Variants in VTI1A observed in about 807,000 individuals in gnomAD.
VTI1A encodes the protein vesicle transport through interaction with t-SNAREs homolog 1A.
Under a neutral mutation model 34.9 loss-of-function variants are expected in VTI1A, and 22 were observed. The ratio of observed to expected loss-of-function variants is 0.63; its 90% CI spans 0.45 to 0.90. The LOEUF is 0.90. Ranked by LOEUF, VTI1A falls within the 40% of genes least tolerant of loss-of-function variation. VTI1A has a pLI of 0.00. For missense variants in VTI1A, 268 were observed against 275.6 expected (o/e 0.97, Z 0.20); for synonymous variants, 87 against 97.3 (o/e 0.89, Z 0.62).
chr10:112,647,659 T>C (rs1005934026), intron 5 of VTI1A, among the ~76,000 whole-genome samples: 3 of 152,378 alleles, frequency 2.0e-5, no homozygotes. Flanking sequence ...AGTATGTTTT[T>C]CCGTAGTTTA....
At chr10:112,614,572 G>T (rs994309804) in intron 5 of VTI1A, among the ~76,000 whole-genome samples, 2 of 152,140 alleles carry the variant, frequency 1.3e-5, no homozygotes, top group Non-Finnish European at 2.9e-5. Flanking sequence ...TTTGAAGGGG[G>T]TTTGTTTTCT....
At chr10:112,535,210 A>T (rs1194682345) in intron 4 of VTI1A, among the ~76,000 whole-genome samples, 36 of 152,228 alleles carry the variant, frequency 2.4e-4, no homozygotes, top group Admixed American at 2.2e-3. Flanking sequence ...TTGAATTATA[A>T]TTGGAAAAAT....
At chr10:112,736,956 A>G (rs1340509687) in intron 7 of VTI1A, 2 of 616,460 alleles carry the variant, frequency 3.2e-6, no homozygotes, top group East Asian at 5.5e-5. Flanking sequence ...CTGACATCAA[A>G]TGTGCTGTGG....
At chr10:112,731,311 C>T (rs547193165) in intron 7 of VTI1A, among the ~76,000 whole-genome samples, 2 of 152,278 alleles carry the variant, frequency 1.3e-5, no homozygotes, top group Non-Finnish European at 2.9e-5. Context: ...CGGTGGCTCA[C>T]GTCTGTAATC....
intron 7 of VTI1A, among the ~76,000 whole-genome samples, chr10:112,677,118 C>T (rs1160016579): frequency 1.3e-5 from 2 of 152,168 alleles, no homozygotes; most frequent in Non-Finnish European, 2.9e-5. Flanking sequence ...ACATGAGAAC[C>T]TGTGCAGGGG....
At chr10:112,504,321 T>G (rs1280261968) in intron 3 of VTI1A, among the ~76,000 whole-genome samples, 1 of 152,168 alleles carries the variant, frequency 6.6e-6, no homozygotes, top group East Asian at 1.9e-4. Context: ...TCTTTACAGA[T>G]TCTCTTTAAA....
intron 3 of VTI1A, among the ~76,000 whole-genome samples, chr10:112,509,354 C>G (rs919578044): frequency 6.6e-6 from 1 of 151,766 alleles, no homozygotes; most frequent in Non-Finnish European, 1.5e-5. Context: ...CTTCTAAAGG[C>G]AAGAAAATAC....
intron 7 of VTI1A, among the ~76,000 whole-genome samples, chr10:112,805,233 C>T (rs1853031829): frequency 6.6e-6 from 1 of 152,124 alleles, no homozygotes; most frequent in African/African-American, 2.4e-5. Flanking sequence ...CAGCCTTCCT[C>T]CTGTTTTAGC....
In VTI1A at chr10:112,816,222, CT is replaced by C; in HGVS notation, c.*840del. 1 of 216,118 alleles carries C rather than the reference CT, an allele frequency of 4.6e-6. No homozygotes were observed. The highest frequency in any genetic ancestry group is 9.3e-6 in the Non-Finnish European group (1 of 107,310). 13.4% of individuals were successfully genotyped at this position (216,118 alleles called of 1,614,324 possible). A position where few individuals can be genotyped will look rare whatever the true frequency, so the allele number is the denominator to read the frequency against. ...AATATCTGCACTGCCAAAAGCAGTC[CT>C]CATACTTGCAAAAGGTCTGACAAGG... is the stretch of plus-strand genomic sequence containing the variant. On this transcript the variant is annotated 3_prime_UTR_variant, in exon 8 of 8. Coordinates refer to ENST00000393077, the MANE Select transcript of VTI1A (RefSeq NM_145206.4).
At chr10:112,739,580 T>C (rs1850620019) in intron 7 of VTI1A, among the ~76,000 whole-genome samples, 1 of 152,350 alleles carries the variant, frequency 6.6e-6, no homozygotes, top group Non-Finnish European at 1.5e-5. Context: ...AGCGATGTCT[T>C]GTATTTCAAC....
chr10:112,705,500 T>C (rs568113431), intron 7 of VTI1A, among the ~76,000 whole-genome samples: 2 of 152,186 alleles, frequency 1.3e-5, no homozygotes, highest in East Asian at 3.9e-4. Context: ...CACGCCCCTC[T>C]TCTCCCTCTA....
At chr10:112,772,932 A>G (rs1851855941) in intron 7 of VTI1A, among the ~76,000 whole-genome samples, 3 of 152,240 alleles carry the variant, frequency 2.0e-5, no homozygotes, top group Non-Finnish European at 4.4e-5. Flanking sequence ...GTTTAGCAAT[A>G]GAATGCCACT....
At chr10:112,531,123 G>A (rs1246487221) in intron 4 of VTI1A, among the ~76,000 whole-genome samples, 4 of 150,398 alleles carry the variant, frequency 2.7e-5, no homozygotes, top group Non-Finnish European at 4.4e-5. Flanking sequence ...GTGCGCGCGC[G>A]CGCATGAACC....
intron 7 of VTI1A, among the ~76,000 whole-genome samples, chr10:112,790,764 G>GT (rs56892510): frequency 0.39 from 55,952 of 142,212 alleles, 10,567 homozygotes; most frequent in East Asian, 0.51. Flanking sequence ...ACTAAAAGAC[G>GT]TTTTTTTTTT....
At chr10:112,839,560 G>A in the VTI1A span, among the ~76,000 whole-genome samples, 76 of 146,292 alleles carry the variant, frequency 5.2e-4, no homozygotes, top group African/African-American at 1.8e-3. Flanking sequence ...ATAGATGAAA[G>A]GGGGGACAAA....
intron 5 of VTI1A, among the ~76,000 whole-genome samples, chr10:112,548,190 T>G (rs1160568034): frequency 6.6e-6 from 1 of 152,240 alleles, no homozygotes; most frequent in Non-Finnish European, 1.5e-5. Flanking sequence ...CTTTTGGTTC[T>G]TGACACTGTC....
rs1847556280 is a variant in VTI1A at position 112,664,013 on chromosome 10, C to G, written c.428-4205C>G. Among the ~76,000 whole-genome samples the G allele has an allele frequency of 4.6e-5, 7 of 152,310 alleles. No individual in the cohort carries two copies. In the South Asian group the frequency reaches 1.5e-3, roughly 32 times the overall value. On this transcript the variant is annotated intron_variant, in intron 5 of 7. Coordinates refer to ENST00000393077, the MANE Select transcript of VTI1A (RefSeq NM_145206.4). ...AACTGTGAATGTCTTTTATCTGCTA[C>G]TAAAATTGTTGGTGAAGTTTTCAAG... is the stretch of plus-strand genomic sequence containing the variant.
chr10:112,696,507 A>G (rs1243265781), intron 7 of VTI1A, among the ~76,000 whole-genome samples: 3 of 152,214 alleles, frequency 2.0e-5, no homozygotes, highest in Admixed American at 6.5e-5. Flanking sequence ...GCTCTGTTAC[A>G]AAGTAAAATG....
chr10:112,752,554 G>T (rs905528629), intron 7 of VTI1A: 2 of 985,244 alleles, frequency 2.0e-6, no homozygotes, highest in African/African-American at 3.5e-5. Flanking sequence ...TCCTTCAGGG[G>T]GAACATGCTT....
Sources: allele counts gnomAD v4.1 joint callset (sites outside exome capture counted in the v4.1 genomes callset), GRCh38; gene constraint gnomAD v4.1.1; transcripts MANE v1.5; gene names NCBI Gene and HGNC (gene_info 2026-07-23, HGNC 2026-07-21).